ICE2: variants seen among roughly 807,000 people sequenced by gnomAD.
ICE2 encodes little elongation complex subunit 2.
In ICE2, 87 loss-of-function variants were observed where a neutral mutation model predicts 105.4. The observed-to-expected ratio is 0.83, with a 90% CI of 0.69 to 0.99. The LOEUF is 0.99. Among genes scored for constraint, ICE2 ranks in the 50% least tolerant of loss-of-function variants. The pLI is 0.00. For synonymous variants in ICE2, 399 were observed against 392.0 expected (o/e 1.02, Z -0.21); for missense variants, 1,323 against 1,146.7 (o/e 1.15, Z -2.22).
intron 13 of ICE2, among the ~76,000 whole-genome samples, chr15:60,434,509 T>C (rs1228896665): frequency 7.0e-6 from 1 of 143,264 alleles, no homozygotes; most frequent in Non-Finnish European, 1.5e-5. Flanking sequence ...GATGAATGAA[T>C]AAAATGTGAT....
intron 9 of ICE2, among the ~76,000 whole-genome samples, chr15:60,450,878 C>T (rs917486111): frequency 2.0e-5 from 3 of 151,992 alleles, no homozygotes; most frequent in Non-Finnish European, 4.4e-5. Flanking sequence ...AAAAGACTAC[C>T]AAATTTAGTA....
At chr15:60,431,721 T>C (rs1423914894) in intron 14 of ICE2, among the ~76,000 whole-genome samples, 1 of 152,146 alleles carries the variant, frequency 6.6e-6, no homozygotes, top group East Asian at 1.9e-4. Flanking sequence ...AACATAATAA[T>C]AGACTTACAG....
intron 3 of ICE2, among the ~76,000 whole-genome samples, chr15:60,468,999 G>C (rs1484485559): frequency 6.6e-6 from 1 of 152,202 alleles, no homozygotes; most frequent in Non-Finnish European, 1.5e-5. Context: ...AGAGAAAGTA[G>C]TGAGTAGCTT....
rs1268196830 is a variant in ICE2, at chr15:60,420,788, C to T, written c.*2846G>A. ...AGATGACTTGCTTACTTTATCAAAG[C>T]ACTTATCACATAAAGCAGTATAGTG... On this transcript the variant is annotated 3_prime_UTR_variant, in exon 16 of 16. Transcript: ENST00000261520. The T allele has an allele frequency of 6.6e-6, 1 of 152,100 alleles. No individual in the cohort carries two copies. Among genetic ancestry groups the T allele is most frequent in the African/African-American group, 2.4e-5 (1 of 41,410 alleles). 9.4% of individuals were successfully genotyped at this position (152,100 alleles called of 1,614,324 possible).
intron 11 of ICE2, among the ~76,000 whole-genome samples, chr15:60,446,044 T>G (rs753365591): frequency 1.3e-5 from 2 of 152,168 alleles, no homozygotes; most frequent in Non-Finnish European, 2.9e-5. Flanking sequence ...GTTATAGCAT[T>G]TATCTAGGAG....
rs1301398845 is a variant in ICE2, at chr15:60,423,104, A to G, written c.*530T>C. On this transcript the variant is annotated 3_prime_UTR_variant, in exon 16 of 16. Coordinates refer to ENST00000261520, the MANE Select transcript of ICE2 (RefSeq NM_024611.6). ...GGGAGTTTTTATTTTTGGCTTCTGT[A>G]ATGGAATTTCACCAAGTTTTTAAAG... is the stretch of plus-strand genomic sequence containing the variant. The G allele has an allele frequency of 6.6e-6, 1 of 152,632 alleles. No homozygotes were observed. Among genetic ancestry groups the G allele is most frequent in the Non-Finnish European group, 1.5e-5 (1 of 68,048 alleles). 9.5% of individuals were successfully genotyped at this position (152,632 alleles called of 1,614,324 possible). A position where few individuals can be genotyped will look rare whatever the true frequency, so the allele number is the denominator to read the frequency against.
intron 12 of ICE2, among the ~76,000 whole-genome samples, chr15:60,436,628 T>C (rs187496706): frequency 1.8e-4 from 26 of 145,188 alleles, no homozygotes; most frequent in African/African-American, 6.7e-4. Context: ...GGCAGGAGAA[T>C]GGCGTTAACC....
intron 8 of ICE2, among the ~76,000 whole-genome samples, chr15:60,454,445 T>C (rs1440455186): frequency 6.6e-6 from 1 of 152,128 alleles, no homozygotes; most frequent in African/African-American, 2.4e-5. Flanking sequence ...AACCTGACCA[T>C]TTCATGTATT....
intron 9 of ICE2, among the ~76,000 whole-genome samples, chr15:60,450,884 T>C (rs1390092558): frequency 6.6e-6 from 1 of 152,202 alleles, no homozygotes; most frequent in African/African-American, 2.4e-5. Context: ...CTACCAAATT[T>C]AGTAAAAAAG....
At chr15:60,446,496 C>T (rs1308418179) in intron 11 of ICE2, among the ~76,000 whole-genome samples, 2 of 152,136 alleles carry the variant, frequency 1.3e-5, no homozygotes, top group Non-Finnish European at 2.9e-5. Context: ...CCCAGGTTCA[C>T]GCCATTCTCC....
rs2064863766 is a variant in ICE2, at chr15:60,479,137, G to A, written c.-227C>T. 2.5e-6 allele frequency: 1 copy of A among 404,580 alleles called. No homozygotes were observed. The highest frequency in any genetic ancestry group is 5.2e-6 in the Non-Finnish European group (1 of 193,644). The allele number at this position is 404,580 out of a possible 1,614,324, so 25.1% of individuals were successfully genotyped here. A position where few individuals can be genotyped will look rare whatever the true frequency, so the allele number is the denominator to read the frequency against. On this transcript the variant is annotated 5_prime_UTR_variant, in exon 1 of 16. Transcript: ENST00000261520. ...TGGCCGCGCCGACTCGGCCCTGCGT[G>A]ATGACGTCTCAGCGACATAGTGGGC... is the stretch of plus-strand genomic sequence containing the variant.
At chr15:60,433,150 C>T (rs112075646) in intron 13 of ICE2, among the ~76,000 whole-genome samples, 3 of 151,204 alleles carry the variant, frequency 2.0e-5, no homozygotes, top group East Asian at 4.0e-4. Context: ...CAGGCTGGAG[C>T]GATCTTGGCT....
intron 14 of ICE2, among the ~76,000 whole-genome samples, chr15:60,430,090 G>A (rs1399601499): frequency 3.9e-5 from 6 of 152,138 alleles, no homozygotes; most frequent in African/African-American, 7.2e-5. Context: ...AGGGAATTAA[G>A]GTAGCAGATG....
intron 1 of ICE2, 187 bp downstream of exon 1, chr15:60,478,816 G>C: frequency 2.6e-6 from 1 of 379,180 alleles, no homozygotes; most frequent in South Asian, 1.8e-5. Context: ...AAAGAGAGGG[G>C]AAACAAGGTT....
intron 12 of ICE2, among the ~76,000 whole-genome samples, chr15:60,436,607 C>CGGAAG (rs2063593824): frequency 6.7e-6 from 1 of 148,320 alleles, no homozygotes; most frequent in Non-Finnish European, 1.5e-5. Context: ...CCCATCTACT[C>CGGAAG]GGAAGGCTGA....
intron 6 of ICE2, among the ~76,000 whole-genome samples, chr15:60,456,416 C>T (rs370006522): frequency 5.4e-5 from 8 of 149,176 alleles, no homozygotes; most frequent in East Asian, 2.0e-4. Context: ...TGGTGGCAGG[C>T]GCCTGTAATT....
In ICE2 at chr15:60,477,987, T is replaced by C. The variant is rs1367872504; in HGVS notation, c.-10A>G. Reference sequence around the variant, plus strand: ...CCATCTTGGAGCTCATCTTCCTAGATTTCTGCTTCACTCTAGCTCACAGTT... The same window carrying C: ...CCATCTTGGAGCTCATCTTCCTAGACTTCTGCTTCACTCTAGCTCACAGTT... On this transcript the variant is annotated 5_prime_UTR_variant, in exon 2 of 16. Coordinates refer to ENST00000261520, the MANE Select transcript of ICE2 (RefSeq NM_024611.6). 6.2e-7 allele frequency: 1 copy of C among 1,613,946 alleles called. No homozygotes were observed. The highest frequency in any genetic ancestry group is 2.2e-5 in the East Asian group (1 of 44,886).
intron 12 of ICE2, chr15:60,441,914 T>C (rs1276194141): frequency 6.6e-6 from 1 of 152,170 alleles, no homozygotes; most frequent in African/African-American, 2.4e-5. Flanking sequence ...AAAATAAATA[T>C]ATAGGTCAAT....
At chr15:60,442,264 G>T in intron 12 of ICE2, 152 bp downstream of exon 12, 1 of 653,878 alleles carries the variant, frequency 1.5e-6, no homozygotes, top group Non-Finnish European at 2.5e-6. Flanking sequence ...CTATACTCCA[G>T]CCTGGGCAAC....
Sources: gnomAD v4.1 joint callset for allele counts (sites outside exome capture counted in the v4.1 genomes callset) on GRCh38, gnomAD v4.1.1 for gene constraint, MANE v1.5 for transcripts, NCBI Gene and HGNC (gene_info 2026-07-23, HGNC 2026-07-21) for gene names.